Variants in PLAC1 observed in about 807,000 individuals in gnomAD.
PLAC1 encodes placenta-specific protein 1.
For synonymous variants in PLAC1, 68 were observed against 62.1 expected (o/e 1.09, Z -0.44); for missense variants, 136 against 163.2 (o/e 0.83, Z 0.91).
chrX:134,645,256 C>T (rs1241177650), intron 1 of PLAC1, among the ~76,000 whole-genome samples: 1 of 112,272 alleles, frequency 8.9e-6, no homozygotes, highest in Non-Finnish European at 1.9e-5. Flanking sequence ...GCTTAAACAG[C>T]ACCAAATTTT....
intron 1 of PLAC1, among the ~76,000 whole-genome samples, chrX:134,610,301 A>G (rs757079380): frequency 1.8e-5 from 2 of 111,242 alleles, no homozygotes; most frequent in East Asian, 5.7e-4. Context: ...TGTGGGCAAG[A>G]TGTTAGTGTT....
At chrX:134,718,852 C>T (rs774247030) in intron 2 of PLAC1, among the ~76,000 whole-genome samples, 2 of 112,063 alleles carry the variant, frequency 1.8e-5, no homozygotes, top group Non-Finnish European at 3.8e-5. Flanking sequence ...TGCCCTCTTC[C>T]TTTTCCATGC....
intron 2 of PLAC1, among the ~76,000 whole-genome samples, chrX:134,693,825 T>C (rs2078552678): frequency 8.9e-6 from 1 of 111,754 alleles, no homozygotes; most frequent in Non-Finnish European, 1.9e-5. Flanking sequence ...CTTCAGATGG[T>C]GTCAGTTCCT....
At chrX:134,583,193 GCT>G (rs1266042283) in intron 2 of PLAC1, among the ~76,000 whole-genome samples, 1 of 110,943 alleles carries the variant, frequency 9.0e-6, no homozygotes, top group South Asian at 3.8e-4. Context: ...AAGCTCCTAA[GCT>G]CTCTCTTTTT....
At chrX:134,670,199 A>G (rs1472437845) in intron 2 of PLAC1, among the ~76,000 whole-genome samples, 1 of 110,128 alleles carries the variant, frequency 9.1e-6, no homozygotes. Context: ...GAAAAGCCCA[A>G]CACCCCTGGG....
intron 1 of PLAC1, among the ~76,000 whole-genome samples, chrX:134,762,656 C>A (rs1338165089): frequency 3.7e-5 from 4 of 107,737 alleles, no homozygotes; most frequent in African/African-American, 1.4e-4. Flanking sequence ...GGTGAAACCC[C>A]GTCTCTACTA....
At chrX:134,589,719 T>C (rs1191933188) in intron 2 of PLAC1, among the ~76,000 whole-genome samples, 9 of 58,258 alleles carry the variant, frequency 1.5e-4, no homozygotes, top group Non-Finnish European at 3.2e-5. Context: ...AGAGCAAGAC[T>C]CTGTCTCAAA....
At chrX:134,570,647 GT>G (rs1397372940) in intron 2 of PLAC1, among the ~76,000 whole-genome samples, 2 of 111,962 alleles carry the variant, frequency 1.8e-5, no homozygotes, top group Non-Finnish European at 3.8e-5. Context: ...GTATAGCCAA[GT>G]AGGGCTCAGC....
chrX:134,692,631 C>T (rs1569405953), intron 2 of PLAC1, among the ~76,000 whole-genome samples: 1 of 112,338 alleles, frequency 8.9e-6, no homozygotes, highest in Non-Finnish European at 1.9e-5. Flanking sequence ...AGAGCCAGTA[C>T]TCATCCTGTC....
rs185575085 is a variant in PLAC1 at position 134,616,452 on chromosome X, T to G, written c.-130-14330A>C. Among the ~76,000 whole-genome samples the G allele has an allele frequency of 1.2e-3, 134 of 110,834 alleles. No homozygotes were observed. The East Asian group carries it at 0.015, about 13-fold the overall frequency. ...GAGATGGAGACCATCCTGGCTAACATGGCGAAACCCCATCTCTACTAAAAA... is the reference window on the plus strand; with the variant it reads ...GAGATGGAGACCATCCTGGCTAACAGGGCGAAACCCCATCTCTACTAAAAA... On this transcript the variant is annotated intron_variant, in intron 1 of 2. Coordinates refer to ENST00000359237, the MANE Select transcript of PLAC1 (RefSeq NM_021796.4).
chrX:134,632,570 G>A (rs778843595), intron 1 of PLAC1, among the ~76,000 whole-genome samples: 12 of 111,293 alleles, frequency 1.1e-4, no homozygotes, highest in African/African-American at 3.9e-4. Context: ...CTTCCAGATG[G>A]CTCCTCCACA....
intron 1 of PLAC1, among the ~76,000 whole-genome samples, chrX:134,623,576 A>G (rs933119213): frequency 8.9e-6 from 1 of 112,232 alleles, no homozygotes; most frequent in African/African-American, 3.2e-5. Flanking sequence ...CTGGAGGTAA[A>G]CAGCTAGTAA....
At chrX:134,578,429 A>G (rs1187002858) in intron 2 of PLAC1, among the ~76,000 whole-genome samples, 7 of 22,317 alleles carry the variant, frequency 3.1e-4, no homozygotes, top group Non-Finnish European at 6.2e-4. Flanking sequence ...AAAAAAAAAA[A>G]GAAAAGAAAA....
At chrX:134,588,024 T>A (rs1022249573) in intron 2 of PLAC1, among the ~76,000 whole-genome samples, 3 of 112,105 alleles carry the variant, frequency 2.7e-5, no homozygotes, top group South Asian at 3.7e-4. Flanking sequence ...AAAATGTGAT[T>A]GACCCTAGAA....
At chrX:134,588,435 G>T (rs919558021) in intron 2 of PLAC1, among the ~76,000 whole-genome samples, 3 of 109,304 alleles carry the variant, frequency 2.7e-5, no homozygotes, top group African/African-American at 1.0e-4. Context: ...CCTCTTTTCT[G>T]TTATGTGTGT....
At chrX:134,638,896 CAG>C (rs1171080908) in intron 1 of PLAC1, among the ~76,000 whole-genome samples, 1 of 111,442 alleles carries the variant, frequency 9.0e-6, no homozygotes, top group African/African-American at 3.3e-5. Context: ...GTAATAAGCA[CAG>C]TACCCAATAT....
intron 1 of PLAC1, among the ~76,000 whole-genome samples, chrX:134,652,336 C>T (rs1023393925): frequency 1.8e-5 from 2 of 111,854 alleles, no homozygotes; most frequent in African/African-American, 6.5e-5. Flanking sequence ...TTGGTCTTCA[C>T]GGACATTTTG....
Position 134,589,524 on chromosome X carries a change from C to T in PLAC1, c.-59+12527G>A, listed in dbSNP as rs890628921. Among the ~76,000 whole-genome samples, 9 of 109,563 alleles carry T rather than the reference C, an allele frequency of 8.2e-5. No homozygotes were observed. The South Asian group carries it at 1.6e-3, about 19-fold the overall frequency. On this transcript the variant is annotated intron_variant, in intron 2 of 2. Coordinates refer to ENST00000359237, the MANE Select transcript of PLAC1 (RefSeq NM_021796.4). ...AGTGGATCACTTGAGGTCACGAGTT[C>T]GAGACCAGCCTGGCCAACATGGTGA...
intron 2 of PLAC1, among the ~76,000 whole-genome samples, chrX:134,698,369 C>A (rs781774261): frequency 8.9e-6 from 1 of 111,775 alleles, no homozygotes; most frequent in East Asian, 2.8e-4. Flanking sequence ...AGGAGAATCT[C>A]TTGAACCTTG....
Sources: allele counts gnomAD v4.1 joint callset (sites outside exome capture counted in the v4.1 genomes callset), GRCh38; gene constraint gnomAD v4.1.1; transcripts MANE v1.5; gene names NCBI Gene and HGNC (gene_info 2026-07-23, HGNC 2026-07-21).